The following AGMO variants were observed in gnomAD, a reference collection of about 807,000 sequenced individuals.
AGMO encodes alkylglycerol monooxygenase.
In AGMO, 75 loss-of-function variants were observed where a neutral mutation model predicts 60.2. That is an observed-to-expected ratio of 1.25 (90% confidence interval 1.03 to 1.51). The LOEUF is 1.51. Ranked by LOEUF, AGMO falls within the 40% of genes most tolerant of loss-of-function variation. The pLI, the probability that AGMO is intolerant of heterozygous loss-of-function variation, is 0.00. For synonymous variants in AGMO, 261 were observed against 177.1 expected (o/e 1.47, Z -3.76); for missense variants, 763 against 525.5 (o/e 1.45, Z -4.42).
At chr7:15,119,188 C>T in the AGMO span, among the ~76,000 whole-genome samples, 1 of 151,706 alleles carries the variant, frequency 6.6e-6, no homozygotes. Flanking sequence ...CAATGCTGGT[C>T]GTGGGCCCTG....
intron 12 of AGMO, among the ~76,000 whole-genome samples, chr7:15,339,455 T>C (rs1276883220): frequency 6.6e-6 from 1 of 152,238 alleles, no homozygotes; most frequent in Non-Finnish European, 1.5e-5. Context: ...CATATAATTA[T>C]ATCTAACAAA....
chr7:15,560,042 G>C lies in AGMO; in HGVS notation c.257+99C>G, dbSNP rs1253378965. ...TGAACTGAATTTTTTGGGAAAATTT[G>C]TGTAAATAAACTAATTCTCCCATGC... On this transcript the variant is annotated intron_variant, in intron 2 of 12. Transcript: ENST00000342526. 6 of 1,194,000 alleles carry C rather than the reference G, an allele frequency of 5.0e-6. No homozygotes were observed. In the East Asian group the frequency reaches 1.6e-4, roughly 33 times the overall value. 74.0% of individuals were successfully genotyped at this position (1,194,000 alleles called of 1,614,324 possible). A position where few individuals can be genotyped will look rare whatever the true frequency, so the allele number is the denominator to read the frequency against.
chr7:15,196,600 G>T (rs568881807), downstream of AGMO, among the ~76,000 whole-genome samples: 1 of 152,242 alleles, frequency 6.6e-6, no homozygotes, highest in East Asian at 1.9e-4. Context: ...CCAGAGGTTT[G>T]AAAAATATAG....
intron 12 of AGMO, among the ~76,000 whole-genome samples, chr7:15,229,574 G>A (rs981463065): frequency 1.3e-5 from 2 of 148,998 alleles, no homozygotes; most frequent in Admixed American, 6.7e-5. Context: ...TTCAGTACAG[G>A]GGAAAAACGT....
chr7:15,369,536 T>C (rs1783117704), intron 10 of AGMO, among the ~76,000 whole-genome samples: 1 of 152,110 alleles, frequency 6.6e-6, no homozygotes, highest in African/African-American at 2.4e-5. Flanking sequence ...CCCCTAGTGA[T>C]CATTAGGGTG....
chr7:15,373,863 G>C (rs113712279), intron 10 of AGMO, among the ~76,000 whole-genome samples: 1,640 of 152,228 alleles, frequency 0.011, 36 homozygotes, highest in African/African-American at 0.037. Context: ...GTCTACAAAA[G>C]TTATTATTTT....
chr7:15,547,714 T>C (rs1261316827), intron 2 of AGMO, among the ~76,000 whole-genome samples: 1 of 151,902 alleles, frequency 6.6e-6, no homozygotes, highest in Non-Finnish European at 1.5e-5. Flanking sequence ...GAGATCAAAC[T>C]GCAAGGCGGC....
At chr7:15,316,226 G>T (rs1583398456) in intron 12 of AGMO, among the ~76,000 whole-genome samples, 1 of 152,158 alleles carries the variant, frequency 6.6e-6, no homozygotes, top group East Asian at 1.9e-4. Flanking sequence ...ATATTGAAGA[G>T]ACTAGGCAAC....
In AGMO at chr7:15,390,845, A is replaced by C. The variant is rs886215917; in HGVS notation, c.737T>G (p.Ile246Ser). The change falls in exon 7 of 13, where the codon ATT becomes AGT. Residue 246 changes from isoleucine to serine, a missense_variant. Transcript: ENST00000342526. Reference sequence around the variant, plus strand: ...TTTTAATACATTTTACTTACCAAAAATTTTATCCCAAATAATAAGAACACC... The same window carrying C: ...TTTTAATACATTTTACTTACCAAAACTTTTATCCCAAATAATAAGAACACC... Reference protein sequence around the residue: ...YAGVLIIWDKIFGTFEAENEK... With the variant: ...YAGVLIIWDKSFGTFEAENEK... 6.2e-7 allele frequency: 1 copy of C among 1,604,800 alleles called. No individual in the cohort carries two copies. The highest frequency in any genetic ancestry group is 1.1e-5 in the South Asian group (1 of 89,464).
intron 12 of AGMO, among the ~76,000 whole-genome samples, chr7:15,252,338 T>C (rs929887089): frequency 2.0e-5 from 3 of 152,204 alleles, no homozygotes; most frequent in African/African-American, 7.2e-5. Flanking sequence ...ACTCATGCCC[T>C]GTGATATTCC....
rs76479828 is a variant in AGMO at position 15,558,486 on chromosome 7, T to C, written c.257+1655A>G. On this transcript the variant is annotated intron_variant, in intron 2 of 12. Coordinates refer to ENST00000342526, the MANE Select transcript of AGMO (RefSeq NM_001004320.2). The stretch of plus-strand genomic sequence containing the variant: ...AACTAAATCTACATCTAAATCTATA[T>C]ACCCTTGGGCATGTTGAATGTTTTT... 8.3e-3 allele frequency among the ~76,000 whole-genome samples: 1,259 copies of C among 152,176 alleles called. 20 individuals carry two copies. Among genetic ancestry groups the C allele is most frequent in the African/African-American group, 0.029 (1,185 of 41,554 alleles).
At chr7:15,342,171 T>TGAAAAAAAAA (rs1781874014) in intron 12 of AGMO, among the ~76,000 whole-genome samples, 1 of 33,040 alleles carries the variant, frequency 3.0e-5, no homozygotes, top group African/African-American at 2.9e-4. Context: ...ACCCACAGAG[T>TGAAAAAAAAA]TAAAAAAAAA....
intron 12 of AGMO, among the ~76,000 whole-genome samples, chr7:15,362,647 G>T (rs1583458685): frequency 6.6e-6 from 1 of 152,160 alleles, no homozygotes; most frequent in Admixed American, 6.5e-5. Flanking sequence ...TGCCCAGATG[G>T]ACAGAAGCAG....
chr7:15,427,880 A>C (rs1781113356), intron 4 of AGMO, among the ~76,000 whole-genome samples: 1 of 150,514 alleles, frequency 6.6e-6, no homozygotes, highest in Admixed American at 6.6e-5. Flanking sequence ...AATTGGCTTA[A>C]AATGCAAATA....
chr7:15,302,273 A>G (rs2128526704), intron 12 of AGMO, among the ~76,000 whole-genome samples: 1 of 152,290 alleles, frequency 6.6e-6, no homozygotes, highest in East Asian at 1.9e-4. Flanking sequence ...TCTTTGGGAA[A>G]AAATGTGTCA....
chr7:15,409,725 T>C (rs903771536), intron 5 of AGMO, among the ~76,000 whole-genome samples: 1 of 151,796 alleles, frequency 6.6e-6, no homozygotes, highest in Non-Finnish European at 1.5e-5. Context: ...GCTTAATACA[T>C]GGTGGCTATT....
At position 15,365,621 on chromosome 7, in the gene AGMO, T is replaced by G; in HGVS notation, c.1158-2A>C. On this transcript the variant is annotated splice_acceptor_variant, in intron 11 of 12. Transcript: ENST00000342526. LOFTEE classifies it high-confidence loss of function. Reference sequence around the variant, plus strand: ...GTTTCCATAATAGCTGCCTTGGGTCTGAAATAAAATGTCATTAACATGCAT... The same window carrying G: ...GTTTCCATAATAGCTGCCTTGGGTCGGAAATAAAATGTCATTAACATGCAT... The G allele has an allele frequency of 1.2e-6, 2 of 1,602,672 alleles. No individual in the cohort carries two copies. The highest frequency in any genetic ancestry group is 1.7e-6 in the Non-Finnish European group (2 of 1,170,414).
chr7:15,466,523 A>G (rs1249444461), intron 3 of AGMO, among the ~76,000 whole-genome samples: 2 of 152,166 alleles, frequency 1.3e-5, no homozygotes, highest in African/African-American at 2.4e-5. Context: ...AAAAGCTGAG[A>G]AAGATTAAGG....
chr7:15,371,426 T>G (rs1164594908), intron 10 of AGMO, among the ~76,000 whole-genome samples: 1 of 151,934 alleles, frequency 6.6e-6, no homozygotes, highest in Admixed American at 6.6e-5. Context: ...ATTTCGTTCT[T>G]GTTGCCCAGG....
Sources: gnomAD v4.1 joint callset for allele counts (sites outside exome capture counted in the v4.1 genomes callset) on GRCh38, gnomAD v4.1.1 for gene constraint, MANE v1.5 for transcripts, NCBI Gene and HGNC (gene_info 2026-07-23, HGNC 2026-07-21) for gene names.